Variants in IMMP1L observed in about 807,000 individuals in gnomAD.
IMMP1L encodes the protein inner mitochondrial membrane peptidase subunit 1, also known as mitochondrial inner membrane protease subunit 1.
Under a neutral mutation model 21.8 loss-of-function variants are expected in IMMP1L, and 24 were observed. The observed-to-expected ratio is 1.10, with a 90% CI of 0.80 to 1.55. IMMP1L has a LOEUF of 1.55. Ranked by LOEUF, IMMP1L falls within the 40% of genes most tolerant of loss-of-function variation. IMMP1L has a pLI of 0.00. For missense variants in IMMP1L, 195 were observed against 200.7 expected (o/e 0.97, Z 0.17); for synonymous variants, 46 against 62.8 (o/e 0.73, Z 1.26).
At chr11:31,465,836 CTATAGGGGAA>C (rs2133683088) in intron 1 of IMMP1L, among the ~76,000 whole-genome samples, 1 of 151,814 alleles carries the variant, frequency 6.6e-6, no homozygotes, top group Admixed American at 6.6e-5. Flanking sequence ...AACTATAATA[CTATAGGGGAA>C]ACACTTCAAG....
chr11:31,482,753 T>C (rs1954941405), intron 1 of IMMP1L, among the ~76,000 whole-genome samples: 1 of 152,064 alleles, frequency 6.6e-6, no homozygotes, highest in African/African-American at 2.4e-5. Context: ...ACTATAAATA[T>C]AGCCTGATAC....
At chr11:31,435,330 C>T (rs1206433986) in intron 4 of IMMP1L, among the ~76,000 whole-genome samples, 1 of 152,130 alleles carries the variant, frequency 6.6e-6, no homozygotes, top group Non-Finnish European at 1.5e-5. Context: ...ATACTTAACA[C>T]ACAAAGTCAG....
intron 4 of IMMP1L, among the ~76,000 whole-genome samples, chr11:31,440,769 G>A (rs537904412): frequency 4.6e-5 from 7 of 152,242 alleles, no homozygotes; most frequent in African/African-American, 7.2e-5. Context: ...GATGTGTGAC[G>A]TGTGCTTTGG....
At chr11:31,470,861 T>C (rs1181147380) in intron 1 of IMMP1L, among the ~76,000 whole-genome samples, 1 of 152,188 alleles carries the variant, frequency 6.6e-6, no homozygotes, top group African/African-American at 2.4e-5. Flanking sequence ...GTTAGTGAAA[T>C]AAGCCAGGCA....
Position 31,433,579 on chromosome 11 carries a change from A to T in IMMP1L, c.322-9T>A, listed in dbSNP as rs751524852. 4 of 1,552,434 alleles carry T rather than the reference A, an allele frequency of 2.6e-6. No individual in the cohort carries two copies. In the Admixed American group the frequency reaches 6.9e-5, roughly 27 times the overall value. On this transcript the variant is annotated splice_polypyrimidine_tract_variant and intron_variant, in intron 4 of 5. Transcript: ENST00000532287. ...ACATGACCCATTGGCACCTAGAATT[A>T]GAGAAGAAATGCAGCCTCTTAAAGA...
intron 1 of IMMP1L, among the ~76,000 whole-genome samples, chr11:31,485,960 C>T (rs1329486837): frequency 6.6e-6 from 1 of 151,506 alleles, no homozygotes; most frequent in African/African-American, 2.4e-5. Context: ...TAAAACTTCT[C>T]GGTTAAAATC....
In IMMP1L at chr11:31,456,267, T is replaced by C. The variant is rs1953932667; in HGVS notation, c.314A>G (p.His105Arg). ...AATTGAAATGTTACTTACATAACTA[T>C]GGCTTTTAAAGAAATCTGATGGACT... ...TTSPSDFFKS[H>R]SYVPMGHVWL... Residue 105 changes from histidine to arginine, a missense_variant, in exon 4 of 6, where the codon CAT becomes CGT. His to Arg is a conservative substitution (Grantham distance 29). Transcript: ENST00000532287. 3.8e-6 allele frequency: 6 copies of C among 1,592,996 alleles called. No individual in the cohort carries two copies. Among genetic ancestry groups the C allele is most frequent in the East Asian group, 4.5e-5 (2 of 44,620 alleles).
chr11:31,489,185 C>T (rs145777783), intron 1 of IMMP1L, among the ~76,000 whole-genome samples: 6,641 of 152,162 alleles, frequency 0.044, 384 homozygotes, highest in African/African-American at 0.11. Context: ...GCATGAGTCA[C>T]CGCACCCGGC....
intron 1 of IMMP1L, among the ~76,000 whole-genome samples, chr11:31,468,414 C>T (rs964773414): frequency 1.3e-5 from 2 of 152,044 alleles, no homozygotes; most frequent in African/African-American, 4.8e-5. Context: ...TACACACATA[C>T]GGATATATTA....
intron 2 of IMMP1L, among the ~76,000 whole-genome samples, chr11:31,462,383 G>C (rs1954180883): frequency 6.7e-6 from 1 of 150,216 alleles, no homozygotes; most frequent in Non-Finnish European, 1.5e-5. Context: ...ACCTTAACTG[G>C]AGGTTATGTG....
chr11:31,438,394 T>C (rs1159427740), intron 4 of IMMP1L, among the ~76,000 whole-genome samples: 3 of 152,196 alleles, frequency 2.0e-5, no homozygotes, highest in Non-Finnish European at 4.4e-5. Flanking sequence ...TATCTTCTTA[T>C]TCATTGTACC....
intron 1 of IMMP1L, among the ~76,000 whole-genome samples, chr11:31,507,281 GA>G (rs112201179): frequency 4.8e-5 from 7 of 146,356 alleles, no homozygotes; most frequent in African/African-American, 1.5e-4. Flanking sequence ...CTCCGTCTCA[GA>G]AAAAAAAAAC....
chr11:31,474,164 A>C (rs1418499109), intron 1 of IMMP1L, among the ~76,000 whole-genome samples: 3 of 152,230 alleles, frequency 2.0e-5, no homozygotes, highest in Non-Finnish European at 4.4e-5. Flanking sequence ...AGATGTTCAA[A>C]GTCAAGAATA....
At chr11:31,461,604 T>C (rs1257112887) in intron 2 of IMMP1L, among the ~76,000 whole-genome samples, 1 of 152,144 alleles carries the variant, frequency 6.6e-6, no homozygotes, top group African/African-American at 2.4e-5. Context: ...ACAGCCAACA[T>C]GCAGTCAAAA....
At chr11:31,484,654 T>C (rs187047381) in intron 1 of IMMP1L, among the ~76,000 whole-genome samples, 2 of 151,984 alleles carry the variant, frequency 1.3e-5, no homozygotes, top group Admixed American at 1.3e-4. Context: ...TGAGATGAGG[T>C]AAATGCATTG....
chr11:31,449,285 CA>C (rs1365401353), intron 4 of IMMP1L, among the ~76,000 whole-genome samples: 2 of 151,902 alleles, frequency 1.3e-5, no homozygotes, highest in Non-Finnish European at 2.9e-5. Flanking sequence ...AATAGAAGAC[CA>C]GATGGTTGAC....
intron 1 of IMMP1L, among the ~76,000 whole-genome samples, chr11:31,499,494 G>C (rs1955550786): frequency 6.6e-6 from 1 of 152,186 alleles, no homozygotes. Flanking sequence ...AGAATTTCTG[G>C]AAGACCAGGC....
chr11:31,492,406 G>T (rs752201582), intron 1 of IMMP1L, among the ~76,000 whole-genome samples: 12 of 152,258 alleles, frequency 7.9e-5, no homozygotes, highest in Non-Finnish European at 1.6e-4. Flanking sequence ...CATTGTGGCT[G>T]GTTTGATCTA....
chr11:31,466,651 C>T (rs75503285), intron 1 of IMMP1L, among the ~76,000 whole-genome samples: 1 of 151,976 alleles, frequency 6.6e-6, no homozygotes, highest in East Asian at 1.9e-4. Context: ...AGAAATAAAT[C>T]TGGCACAGGA....
Sources: allele counts gnomAD v4.1 joint callset (sites outside exome capture counted in the v4.1 genomes callset), GRCh38; gene constraint gnomAD v4.1.1; transcripts MANE v1.5; gene names NCBI Gene and HGNC (gene_info 2026-07-23, HGNC 2026-07-21).